Variants in CHSY3 observed in about 807,000 individuals in gnomAD.
CHSY3 encodes the protein chondroitin sulfate synthase 3.
CHSY3 carries 35 observed loss-of-function variants against 67.2 expected under a neutral mutation model. The ratio of observed to expected loss-of-function variants is 0.52; its 90% CI spans 0.40 to 0.69. The LOEUF is 0.69. Ranked by LOEUF, CHSY3 falls within the 30% of genes least tolerant of loss-of-function variation. CHSY3 has a pLI of 0.00. For missense variants in CHSY3, 1,069 were observed against 1,138.5 expected, an observed-to-expected ratio of 0.94 and a Z score of 0.88; for synonymous variants, 474 against 434.7, an observed-to-expected ratio of 1.09 and a Z score of -1.12.
chr5:130,000,275 A>G (rs1763681917), intron 2 of CHSY3, among the ~76,000 whole-genome samples: 2 of 152,346 alleles, frequency 1.3e-5, no homozygotes, highest in South Asian at 4.1e-4. Context: ...AGGCTGCACT[A>G]TAAAAATAAC....
At chr5:130,063,895 C>A (rs1172863764) in intron 2 of CHSY3, among the ~76,000 whole-genome samples, 1 of 152,094 alleles carries the variant, frequency 6.6e-6, no homozygotes, top group Non-Finnish European at 1.5e-5. Flanking sequence ...TAGAAGGCCC[C>A]ATTTCTTAAT....
At position 130,077,821 on chromosome 5, in the gene CHSY3, A is replaced by G. The variant is rs532286015; in HGVS notation, c.1087-106408A>G. On this transcript the variant is annotated intron_variant, in intron 2 of 2. Coordinates refer to ENST00000305031, the MANE Select transcript of CHSY3 (RefSeq NM_175856.5). ...TGTGTATATATATATACACACATAT[A>G]TATACACACATACATTTATATATAT... 6.6e-5 allele frequency among the ~76,000 whole-genome samples: 10 copies of G among 152,096 alleles called. No individual in the cohort carries two copies. The South Asian group carries it at 1.7e-3, about 25-fold the overall frequency.
intron 2 of CHSY3, among the ~76,000 whole-genome samples, chr5:129,917,960 T>G (rs1760786360): frequency 6.6e-6 from 1 of 152,232 alleles, no homozygotes; most frequent in East Asian, 1.9e-4. Context: ...TTTTCCATAT[T>G]CAAATATCAA....
At chr5:130,160,082 T>C (rs996564746) in intron 2 of CHSY3, among the ~76,000 whole-genome samples, 1 of 152,238 alleles carries the variant, frequency 6.6e-6, no homozygotes, top group Non-Finnish European at 1.5e-5. Flanking sequence ...TTATTCCATC[T>C]GAGAAGACGA....
At chr5:130,058,480 A>G (rs1007218010) in intron 2 of CHSY3, among the ~76,000 whole-genome samples, 4 of 152,048 alleles carry the variant, frequency 2.6e-5, no homozygotes, top group African/African-American at 9.7e-5. Context: ...ATACAGAATT[A>G]GTTGGGTGTG....
chr5:130,084,370 C>G (rs1296974067), intron 2 of CHSY3, among the ~76,000 whole-genome samples: 1 of 151,926 alleles, frequency 6.6e-6, no homozygotes, highest in Non-Finnish European at 1.5e-5. Context: ...ATGCAATTAG[C>G]TTGATTTGAT....
In CHSY3 at chr5:129,905,296, G is replaced by C; in HGVS notation, c.467G>C (p.Gly156Ala). The C allele has an allele frequency of 6.7e-7, 1 of 1,483,576 alleles. No homozygotes were observed. Among genetic ancestry groups the C allele is most frequent in the Middle Eastern group, 2.0e-4 (1 of 5,090 alleles). The allele number at this position is 1,483,576 out of a possible 1,614,324, so 91.9% of individuals were successfully genotyped here. Residue 156 changes from glycine to alanine, a missense_variant, in exon 1 of 3, where the codon GGC becomes GCC. Coordinates refer to ENST00000305031, the MANE Select transcript of CHSY3 (RefSeq NM_175856.5). ...RDGRPGSSHN[G>A]SGDGGAAAPS... ...GGCCGGCCGGGGAGTAGCCACAACG[G>C]CAGCGGGGACGGGGGCGCTGCCGCC... is the stretch of plus-strand genomic sequence containing the variant.
intron 2 of CHSY3, among the ~76,000 whole-genome samples, chr5:130,123,339 AG>A (rs1208030022): frequency 6.6e-6 from 1 of 152,192 alleles, no homozygotes; most frequent in Non-Finnish European, 1.5e-5. Context: ...TTTTGGCACC[AG>A]GGCCCAGTTT....
chr5:130,039,352 C>T (rs898396394), intron 2 of CHSY3, among the ~76,000 whole-genome samples: 14 of 141,456 alleles, frequency 9.9e-5, no homozygotes, highest in African/African-American at 3.5e-4. Flanking sequence ...TGTAACCAGG[C>T]ATGATGGTGA....
At chr5:130,115,648 T>C (rs1218972737) in intron 2 of CHSY3, among the ~76,000 whole-genome samples, 1 of 152,198 alleles carries the variant, frequency 6.6e-6, no homozygotes, top group Non-Finnish European at 1.5e-5. Context: ...TCTGTCCAAA[T>C]CTGTTAACAT....
intron 2 of CHSY3, among the ~76,000 whole-genome samples, chr5:130,083,889 T>C (rs1446123752): frequency 2.0e-5 from 3 of 151,986 alleles, no homozygotes; most frequent in Non-Finnish European, 4.4e-5. Context: ...TACGCTGGTC[T>C]TTCTGTTTTC....
rs949008968 is a variant in CHSY3 at position 129,994,160 on chromosome 5, C to G, written c.1086+85800C>G. 5.5e-4 allele frequency among the ~76,000 whole-genome samples: 83 copies of G among 152,200 alleles called. 1 individual carries two copies. The highest frequency in any genetic ancestry group is 2.0e-3 in the African/African-American group (82 of 41,552). ...GCCCTTAACATTTTTTCCTTCATTT[C>G]AACTTTGGTGAATGTGACAATTATG... On this transcript the variant is annotated intron_variant, in intron 2 of 2. Transcript: ENST00000305031.
chr5:130,074,505 CTT>C (rs1766189799), intron 2 of CHSY3, among the ~76,000 whole-genome samples: 1 of 152,140 alleles, frequency 6.6e-6, no homozygotes, highest in African/African-American at 2.4e-5. Flanking sequence ...AATGTGCTCT[CTT>C]AATATTTAGG....
intron 2 of CHSY3, among the ~76,000 whole-genome samples, chr5:130,065,017 T>C (rs960887407): frequency 6.6e-6 from 1 of 152,196 alleles, no homozygotes; most frequent in East Asian, 1.9e-4. Flanking sequence ...CCCTGTGTCA[T>C]TGATTTCCTG....
intron 2 of CHSY3, among the ~76,000 whole-genome samples, chr5:130,012,944 T>C (rs183543001): frequency 6.6e-6 from 1 of 152,012 alleles, no homozygotes; most frequent in Non-Finnish European, 1.5e-5. Flanking sequence ...CTTCTACCTA[T>C]GAGCCTGTAA....
intron 2 of CHSY3, among the ~76,000 whole-genome samples, chr5:130,139,021 G>T (rs952810539): frequency 1.3e-5 from 2 of 152,078 alleles, no homozygotes; most frequent in African/African-American, 4.8e-5. Flanking sequence ...ATAGCCTATT[G>T]CTCCTAGGGC....
intron 2 of CHSY3, among the ~76,000 whole-genome samples, chr5:130,089,538 G>A (rs2149691857): frequency 6.6e-6 from 1 of 152,172 alleles, no homozygotes; most frequent in South Asian, 2.1e-4. Flanking sequence ...TACAAAATGT[G>A]TTCATTGACT....
chr5:130,186,237 C>A lies in CHSY3; in HGVS notation c.*446C>A, dbSNP rs1770413317. The A allele has an allele frequency of 6.6e-6, 1 of 150,648 alleles. No homozygotes were observed. Among genetic ancestry groups the A allele is most frequent in the Non-Finnish European group, 1.5e-5 (1 of 68,076 alleles). 9.3% of individuals were successfully genotyped at this position (150,648 alleles called of 1,614,324 possible). A position where few individuals can be genotyped will look rare whatever the true frequency, so the allele number is the denominator to read the frequency against. On this transcript the variant is annotated 3_prime_UTR_variant, in exon 3 of 3. Transcript: ENST00000305031. ...CTTTATGCTTCCTATGGGGAAGGGA[C>A]TCTGTAACATAAACTTGAGTTTTGT...
At chr5:129,983,396 A>C (rs1234828485) in intron 2 of CHSY3, among the ~76,000 whole-genome samples, 1 of 152,106 alleles carries the variant, frequency 6.6e-6, no homozygotes, top group African/African-American at 2.4e-5. Context: ...ATTTGTCAAC[A>C]TTCCTTATGG....
Sources: gnomAD v4.1 joint callset for allele counts (sites outside exome capture counted in the v4.1 genomes callset) on GRCh38, gnomAD v4.1.1 for gene constraint, MANE v1.5 for transcripts, NCBI Gene and HGNC (gene_info 2026-07-23, HGNC 2026-07-21) for gene names.